CLDND1: variants seen among roughly 807,000 people sequenced by gnomAD.
CLDND1 encodes the protein claudin domain containing 1, also known as claudin domain-containing protein 1.
In CLDND1, 13 loss-of-function variants were observed where a neutral mutation model predicts 26.3. That is an observed-to-expected ratio of 0.49 (90% CI 0.32 to 0.78). The LOEUF is 0.78. CLDND1 is among the 30% of genes least tolerant of loss of function. CLDND1 has a pLI of 0.03. For missense variants in CLDND1, 289 were observed against 312.8 expected (o/e 0.92, Z 0.57); for synonymous variants, 107 against 107.0 (o/e 1.00, Z 0.00).
In CLDND1 at chr3:98,516,869, T is replaced by C. The variant is rs372572371; in HGVS notation, c.552A>G (p.Thr184=). The C allele has an allele frequency of 1.7e-5, 28 of 1,614,042 alleles. No homozygotes were observed. The Admixed American group carries it at 4.3e-4, about 25-fold the overall frequency. ...GILHLLAGLC[T]LGSVSCYVAG... is the part of the protein sequence containing the mutation. Reference sequence around the variant, plus strand: ...CAACATAACAACTTACTGAGCCCAGTGTACACAGACCTTGGGGGAAAATTT... The same window carrying C: ...CAACATAACAACTTACTGAGCCCAGCGTACACAGACCTTGGGGGAAAATTT... The change falls in exon 5 of 5, where the codon ACA becomes ACG. Residue 184 remains threonine, a synonymous_variant. Transcript: ENST00000341181.
At position 98,516,077 on chromosome 3, in the gene CLDND1, A is replaced by G; in HGVS notation, c.*582T>C. 1 of 1,151,270 alleles carries G rather than the reference A, an allele frequency of 8.7e-7. No individual in the cohort carries two copies. The highest frequency in any genetic ancestry group is 1.1e-6 in the Non-Finnish European group (1 of 921,190). 71.3% of individuals were successfully genotyped at this position (1,151,270 alleles called of 1,614,324 possible). On this transcript the variant is annotated 3_prime_UTR_variant, in exon 5 of 5. Transcript: ENST00000341181. ...ACACTGTATTTTTCACTTTTTGTAG[A>G]CAGACACAGTGCAGATACAAACAGC...
rs146448772 is a variant in CLDND1 at position 98,516,786 on chromosome 3, A to G, written c.635T>C (p.Phe212Ser). The change falls in exon 5 of 5, where the codon TTT becomes TCT. Residue 212 changes from phenylalanine to serine, a missense_variant. Transcript: ENST00000341181. ...LELPDNVSGE[F>S]GWSFCLACVS... ...ACAAGCCAGGCAGAAGGACCATCCA[A>G]ATTCACCGGATACATTGTCAGGGAG... 6.2e-7 allele frequency: 1 copy of G among 1,614,032 alleles called. No individual in the cohort carries two copies. The highest frequency in any genetic ancestry group is 1.3e-5 in the African/African-American group (1 of 74,894).
At chr3:98,517,212 AG>A in intron 3 of CLDND1, 23 bp from the exon 4 acceptor site, 1 of 1,606,744 alleles carries the variant, frequency 6.2e-7, no homozygotes, top group South Asian at 1.1e-5. Context: ...AAGAGAGAAA[AG>A]AAATGTTACC....
Position 98,519,246 on chromosome 3 carries a change from T to C in CLDND1, c.293-251A>G, listed in dbSNP as rs79954951. Among the ~76,000 whole-genome samples the C allele has an allele frequency of 3.1e-3, 468 of 152,300 alleles. 1 individual carries two copies. Among genetic ancestry groups the C allele is most frequent in the African/African-American group, 0.011 (460 of 41,554 alleles). ...TAAAATGAATGGCAGAATAGCTATG[T>C]AGAAAGCCTAGGAAGAAGGGGAGGG... is the stretch of plus-strand genomic sequence containing the variant. On this transcript the variant is annotated intron_variant, in intron 2 of 4. Coordinates refer to ENST00000341181, the MANE Select transcript of CLDND1 (RefSeq NM_001040181.2).
chr3:98,519,015 C>G lies in CLDND1; in HGVS notation c.293-20G>C, dbSNP rs1210793013. 3 of 1,343,668 alleles carry G rather than the reference C, an allele frequency of 2.2e-6. No individual in the cohort carries two copies. Among genetic ancestry groups the G allele is most frequent in the Non-Finnish European group, 3.2e-6 (3 of 946,750 alleles). 83.2% of individuals were successfully genotyped at this position (1,343,668 alleles called of 1,614,324 possible). A position where few individuals can be genotyped will look rare whatever the true frequency, so the allele number is the denominator to read the frequency against. On this transcript the variant is annotated intron_variant, in intron 2 of 4. Transcript: ENST00000341181. ...ATGACTCTGGAACAAGAACAATTGC[C>G]TGTTGTTTTAATTATAAACATTTAA... is the stretch of plus-strand genomic sequence containing the variant.
At chr3:98,519,420 A>G (rs1430086723) in intron 2 of CLDND1, among the ~76,000 whole-genome samples, 1 of 152,238 alleles carries the variant, frequency 6.6e-6, no homozygotes, top group Non-Finnish European at 1.5e-5. Context: ...ACACTCCATC[A>G]GGAAATCCCA....
chr3:98,515,836 GAATA>G lies in CLDND1; in HGVS notation c.*819_*822del, dbSNP rs759118215. 1.9e-5 allele frequency: 24 copies of G among 1,289,030 alleles called. No homozygotes were observed. Among genetic ancestry groups the G allele is most frequent in the Admixed American group, 1.1e-4 (5 of 43,536 alleles). The allele number at this position is 1,289,030 out of a possible 1,614,324, so 79.8% of individuals were successfully genotyped here. A position where few individuals can be genotyped will look rare whatever the true frequency, so the allele number is the denominator to read the frequency against. On this transcript the variant is annotated 3_prime_UTR_variant, in exon 5 of 5. Coordinates refer to ENST00000341181, the MANE Select transcript of CLDND1 (RefSeq NM_001040181.2). ...AAACGTTCTTTATAGTACTGGGCTGGAATAAATAAATAGCAGTTGAGGAATTTTA... is the reference window on the plus strand; with the variant it reads ...AAACGTTCTTTATAGTACTGGGCTGGAATAAATAGCAGTTGAGGAATTTTA...
chr3:98,522,646 C>A (rs1576275775), intron 1 of CLDND1: 5 of 1,408,398 alleles, frequency 3.6e-6, no homozygotes, highest in African/African-American at 3.0e-5. Flanking sequence ...AGGGCTGGGG[C>A]GGGGCAGCCG....
intron 1 of CLDND1, chr3:98,522,570 G>C: frequency 1.5e-6 from 2 of 1,361,406 alleles, no homozygotes; most frequent in Non-Finnish European, 1.9e-6. Flanking sequence ...TGGGAACGGC[G>C]GTTCGTCCAA....
At position 98,521,234 on chromosome 3, in the gene CLDND1, T is replaced by G. The variant is rs1472301991; in HGVS notation, c.191A>C (p.Tyr64Ser). The G allele has an allele frequency of 7.4e-6, 12 of 1,614,254 alleles. No homozygotes were observed. In the South Asian group the frequency reaches 1.2e-4, roughly 16 times the overall value. ...ATTGTATCGAAAAAGTGCATCATTA[T>G]AAGTCTTTTCATCTGCCTCATCACT... ...FISDEADEKT[Y>S]NDALFRYNGT... Residue 64 changes from tyrosine (Y) to serine (S), a missense_variant, in exon 2 of 5, where the codon TAT becomes TCT. By Grantham distance (144) the Tyr-to-Ser change is moderately radical. Transcript: ENST00000341181.
rs763438408 is a variant in CLDND1 at position 98,516,616 on chromosome 3, T to TA, written c.*42dup. 227 of 1,570,386 alleles carry TA rather than the reference T, an allele frequency of 1.4e-4. No homozygotes were observed. Among genetic ancestry groups the TA allele is most frequent in the Middle Eastern group, 3.4e-4 (2 of 5,834 alleles). On this transcript the variant is annotated 3_prime_UTR_variant, in exon 5 of 5. Coordinates refer to ENST00000341181, the MANE Select transcript of CLDND1 (RefSeq NM_001040181.2). The stretch of plus-strand genomic sequence containing the variant: ...GGTGGGGAAAATATCAGTATTATTT[T>TA]AAAAAAATAAAAATGGCAATTGTAA...
Position 98,516,247 on chromosome 3 carries a change from A to C in CLDND1, c.*412T>G, listed in dbSNP as rs182491245. On this transcript the variant is annotated 3_prime_UTR_variant, in exon 5 of 5. Coordinates refer to ENST00000341181, the MANE Select transcript of CLDND1 (RefSeq NM_001040181.2). Reference sequence around the variant, plus strand: ...GGCTATCTACAACAGCAAAGTGAACATAAAGTTTTGACGATGAGAGGTTTC... The same window carrying C: ...GGCTATCTACAACAGCAAAGTGAACCTAAAGTTTTGACGATGAGAGGTTTC... 2.5e-4 allele frequency: 256 copies of C among 1,029,692 alleles called. No individual in the cohort carries two copies. The highest frequency in any genetic ancestry group is 4.9e-4 in the Middle Eastern group (1 of 2,054). The allele number at this position is 1,029,692 out of a possible 1,614,324, so 63.8% of individuals were successfully genotyped here. A position where few individuals can be genotyped will look rare whatever the true frequency, so the allele number is the denominator to read the frequency against.
At chr3:98,522,668 G>A (rs1417605473) in intron 1 of CLDND1, 181 bp downstream of exon 1, 1 of 1,429,754 alleles carries the variant, frequency 7.0e-7, no homozygotes, top group Non-Finnish European at 9.1e-7. Flanking sequence ...GCTCGGCCCC[G>A]GGCCAGGGTC....
At position 98,517,074 on chromosome 3, in the gene CLDND1, C is replaced by A; in HGVS notation, c.519G>T (p.Thr173=). 2 of 1,614,020 alleles carry A rather than the reference C, an allele frequency of 1.2e-6. No homozygotes were observed. ...TACCTGCAAGGAGATGGAGAATGCCCGTGGCAATGGTGGGATATAAGCTTC... is the reference window on the plus strand; with the variant it reads ...TACCTGCAAGGAGATGGAGAATGCCAGTGGCAATGGTGGGATATAAGCTTC... ...ICRSLYPTIA[T]GILHLLAGLC... Residue 173 remains threonine (T), a synonymous_variant, in exon 4 of 5, where the codon ACG becomes ACT. Transcript: ENST00000341181.
intron 1 of CLDND1, chr3:98,522,417 G>T: frequency 4.0e-6 from 2 of 500,640 alleles, no homozygotes; most frequent in Non-Finnish European, 5.4e-6. Context: ...AACTGGGGTT[G>T]CTGAGTTTGG....
chr3:98,516,957 A>T (rs1282050168), intron 4 of CLDND1, 78 bp from the exon 5 acceptor site: 2 of 1,607,318 alleles, frequency 1.2e-6, no homozygotes, highest in Admixed American at 1.7e-5. Context: ...GCAATGTGAC[A>T]GGGCAGTTAA....
In CLDND1 at chr3:98,515,530, T is replaced by C. The variant is rs1706096278; in HGVS notation, c.*1129A>G. On this transcript the variant is annotated 3_prime_UTR_variant, in exon 5 of 5. Transcript: ENST00000341181. ...TTTTTTAAAAAAGACATTGAGGTTA[T>C]GGTAAGAAATTATGAAGTTACATTT... The C allele has an allele frequency of 1.2e-6, 1 of 825,578 alleles. No homozygotes were observed. The highest frequency in any genetic ancestry group is 1.5e-6 in the Non-Finnish European group (1 of 655,468). The allele number at this position is 825,578 out of a possible 1,614,324, so 51.1% of individuals were successfully genotyped here. A position where few individuals can be genotyped will look rare whatever the true frequency, so the allele number is the denominator to read the frequency against.
intron 2 of CLDND1, among the ~76,000 whole-genome samples, chr3:98,520,568 GTT>G (rs75322770): frequency 6.9e-6 from 1 of 144,778 alleles, no homozygotes; most frequent in Non-Finnish European, 1.5e-5. Flanking sequence ...CTAGTTTTTG[GTT>G]TTTTTTTTTT....
Position 98,521,352 on chromosome 3 carries a change from C to T in CLDND1, c.73G>A (p.Ala25Thr). The T allele has an allele frequency of 3.7e-6, 6 of 1,614,206 alleles. No individual in the cohort carries two copies. Among genetic ancestry groups the T allele is most frequent in the Non-Finnish European group, 5.1e-6 (6 of 1,180,030 alleles). The change falls in exon 2 of 5, where the codon GCC becomes ACC. Residue 25 changes from alanine (A) to threonine (T), a missense_variant. Physicochemically the swap from Ala to Thr is moderately conservative, Grantham distance 58. Transcript: ENST00000341181. ...TACCAGAAGTCTGTGCCAATGGAGG[C>T]TGCCATGTAGATGGTGGAAATGAGG... ...LSLISTIYMA[A>T]SIGTDFWYEY...
Sources: gnomAD v4.1 joint callset for allele counts (sites outside exome capture counted in the v4.1 genomes callset) on GRCh38, gnomAD v4.1.1 for gene constraint, MANE v1.5 for transcripts, NCBI Gene and HGNC (gene_info 2026-07-23, HGNC 2026-07-21) for gene names.